Variants in THG1L observed in about 807,000 individuals in gnomAD.
The protein encoded by THG1L is probable tRNA(His) guanylyltransferase.
A neutral mutation model predicts 35.2 loss-of-function variants in THG1L; 27 were observed. The ratio of observed to expected loss-of-function variants is 0.77; its 90% CI spans 0.57 to 1.06. The LOEUF (loss-of-function observed/expected upper bound fraction) is 1.06, where lower values mean the gene tolerates loss of function less well. THG1L is among the 50% of genes least tolerant of loss of function. The probability of loss-of-function intolerance (pLI) is 0.00; values close to 1 mark genes in which losing one functional copy is unlikely to be tolerated. For synonymous variants in THG1L, 135 were observed against 132.4 expected (o/e 1.02, Z -0.14); for missense variants, 377 against 371.8 (o/e 1.01, Z -0.12).
chr5:157,731,717 C>T (rs959920126), intron 1 of THG1L, 86 bp downstream of exon 1: 11 of 1,485,168 alleles, frequency 7.4e-6, no homozygotes, highest in South Asian at 1.3e-5. Flanking sequence ...CCCGCCCGCT[C>T]CAGTCACGGT....
intron 2 of THG1L, among the ~76,000 whole-genome samples, chr5:157,734,137 C>T (rs1183208708): frequency 6.6e-6 from 1 of 152,106 alleles, no homozygotes; most frequent in Non-Finnish European, 1.5e-5. Flanking sequence ...CCTGTAATCC[C>T]AGCACTTTGG....
intron 2 of THG1L, 149 bp from the exon 3 acceptor site, chr5:157,734,427 A>T: frequency 2.3e-6 from 2 of 876,392 alleles, no homozygotes; most frequent in South Asian, 1.7e-5. Flanking sequence ...GTATTAAAAT[A>T]GTGTTTCTTA....
At chr5:157,738,597 T>G (rs1187395606) in intron 5 of THG1L, 1 of 426,212 alleles carries the variant, frequency 2.3e-6, no homozygotes, top group East Asian at 7.1e-5. Context: ...TTGTTTTTTT[T>G]TTTTCTGAAA....
Position 157,731,568 on chromosome 5 carries a change from C to T in THG1L, c.128C>T (p.Ala43Val). Residue 43 changes from alanine (A) to valine (V), a missense_variant, in exon 1 of 6, where the codon GCT (alanine) becomes GTT (valine). Physicochemically the swap from Ala to Val is moderately conservative, Grantham distance 64. Coordinates refer to ENST00000231198, the MANE Select transcript of THG1L (RefSeq NM_017872.5). ...TTCGAGTACGTGAGGGACTTCGAGG[C>T]TGACGACACCTGCCTGGCACACTGC... ...SKFEYVRDFEADDTCLAHCWV... is the reference protein window; with the variant it reads ...SKFEYVRDFEVDDTCLAHCWV... 9 of 1,611,836 alleles carry T rather than the reference C, an allele frequency of 5.6e-6. No individual in the cohort carries two copies. The highest frequency in any genetic ancestry group is 7.6e-6 in the Non-Finnish European group (9 of 1,178,926).
At chr5:157,733,561 C>T (rs1027689434) in intron 2 of THG1L, among the ~76,000 whole-genome samples, 2 of 151,932 alleles carry the variant, frequency 1.3e-5, no homozygotes, top group African/African-American at 4.8e-5. Context: ...AAACTCCTGG[C>T]CTCAAGCAGT....
chr5:157,739,219 G>A lies in THG1L; in HGVS notation c.736-102G>A, dbSNP rs187687817. 78 of 1,099,212 alleles carry A rather than the reference G, an allele frequency of 7.1e-5. No homozygotes were observed. In the East Asian group the frequency reaches 9.6e-4, roughly 13 times the overall value. 68.1% of individuals were successfully genotyped at this position (1,099,212 alleles called of 1,614,324 possible). On this transcript the variant is annotated intron_variant, in intron 5 of 5. Coordinates refer to ENST00000231198, the MANE Select transcript of THG1L (RefSeq NM_017872.5). ...TATATATATCTCAAATCTGGCAGTCGGAAGTATATGAAGATAAAAAGTGAG... is the reference window on the plus strand; with the variant it reads ...TATATATATCTCAAATCTGGCAGTCAGAAGTATATGAAGATAAAAAGTGAG...
intron 4 of THG1L, among the ~76,000 whole-genome samples, chr5:157,736,665 C>T (rs1581441571): frequency 1.3e-5 from 2 of 152,160 alleles, no homozygotes; most frequent in East Asian, 3.9e-4. Flanking sequence ...AGGAAGAGTT[C>T]GTGCTGAGTT....
chr5:157,734,557 T>C lies in THG1L; in HGVS notation c.369-19T>C, dbSNP rs1422048127. On this transcript the variant is annotated intron_variant, in intron 2 of 5. Transcript: ENST00000231198. Reference sequence around the variant, plus strand: ...TTTTTCTTTTTCTTACTCCACCCAATGTGCGTTACATTTTCAAGTAAGTTC... The same window carrying C: ...TTTTTCTTTTTCTTACTCCACCCAACGTGCGTTACATTTTCAAGTAAGTTC... 1.9e-6 allele frequency: 3 copies of C among 1,613,036 alleles called. No homozygotes were observed. The Admixed American group carries it at 5.0e-5, about 27-fold the overall frequency.
intron 5 of THG1L, chr5:157,738,630 A>T (rs762909537): frequency 4.6e-6 from 2 of 432,100 alleles, no homozygotes; most frequent in South Asian, 3.4e-5. Context: ...AGTACCAAGG[A>T]GTACCTTGAG....
Position 157,731,586 on chromosome 5 carries a change from C to T in THG1L, c.146C>T (p.Ala49Val), listed in dbSNP as rs776041729. 6 of 1,610,864 alleles carry T rather than the reference C, an allele frequency of 3.7e-6. No homozygotes were observed. The highest frequency in any genetic ancestry group is 5.1e-6 in the Non-Finnish European group (6 of 1,178,436). ...RDFEADDTCLAHCWVVVRLDG... is the reference protein window; with the variant it reads ...RDFEADDTCLVHCWVVVRLDG... ...TTCGAGGCTGACGACACCTGCCTGG[C>T]ACACTGCTGGGTGGTAGTGCGGCTG... Residue 49 changes from alanine to valine, a missense_variant, in exon 1 of 6, where the codon GCA (alanine) becomes GTA (valine). Physicochemically the swap from Ala to Val is moderately conservative, Grantham distance 64. Transcript: ENST00000231198.
intron 1 of THG1L, among the ~76,000 whole-genome samples, chr5:157,732,402 T>C (rs910625760): frequency 4.0e-5 from 6 of 151,888 alleles, no homozygotes; most frequent in Non-Finnish European, 5.9e-5. Flanking sequence ...TGAGCGGTGA[T>C]TGGACACTGC....
chr5:157,731,648 C>G lies in THG1L; in HGVS notation c.191+17C>G. 2 of 1,577,960 alleles carry G rather than the reference C, an allele frequency of 1.3e-6. No homozygotes were observed. The highest frequency in any genetic ancestry group is 1.7e-6 in the Non-Finnish European group (2 of 1,159,344). ...TTTCCATCGGTGAGCGAGCTCGACT[C>G]GGGGCGTCGCGATGCGCCAGCGCTT... On this transcript the variant is annotated intron_variant, in intron 1 of 5. Transcript: ENST00000231198.
intron 4 of THG1L, among the ~76,000 whole-genome samples, chr5:157,737,351 C>T (rs564940802): frequency 6.6e-6 from 1 of 152,168 alleles, no homozygotes; most frequent in African/African-American, 2.4e-5. Flanking sequence ...GGTGTGCTGG[C>T]ACACACCTGT....
chr5:157,738,612 T>C (rs1395722375), intron 5 of THG1L: 10 of 424,482 alleles, frequency 2.4e-5, no homozygotes, highest in African/African-American at 4.2e-5. Context: ...CTGAAATGAA[T>C]GTTTTCAAGT....
intron 1 of THG1L, among the ~76,000 whole-genome samples, chr5:157,732,272 GAGAA>G (rs1437456649): frequency 1.5e-5 from 2 of 133,556 alleles, no homozygotes; most frequent in African/African-American, 2.8e-5. Flanking sequence ...AGAAGGAAGA[GAGAA>G]AGAAAGAAAA....
chr5:157,732,566 AGG>A (rs757550167), intron 1 of THG1L, among the ~76,000 whole-genome samples: 3 of 152,224 alleles, frequency 2.0e-5, no homozygotes, highest in Non-Finnish European at 4.4e-5. Flanking sequence ...ACTAGGAGCT[AGG>A]TATGATTACT....
chr5:157,739,156 CATACAT>C (rs1760964132), intron 5 of THG1L, among the ~76,000 whole-genome samples, 159 bp from the exon 6 acceptor site: 1 of 151,998 alleles, frequency 6.6e-6, no homozygotes, highest in South Asian at 2.1e-4. Context: ...TATATACACA[CATACAT>C]ATATGCGCAT....
intron 3 of THG1L, 125 bp from the exon 4 acceptor site, chr5:157,735,721 C>T (rs1032063227): frequency 4.6e-6 from 3 of 653,298 alleles, no homozygotes; most frequent in Non-Finnish European, 7.6e-6. Context: ...GGTCAAGTCA[C>T]TGAATGTCTC....
Position 157,731,480 on chromosome 5 carries a change from G to T in THG1L, c.40G>T (p.Ala14Ser). The stretch of plus-strand genomic sequence containing the variant: ...TAAAGTTAAGGTTCACGATTCCTTG[G>T]CCACCATTTCCATCACTCTGAGACG... The part of the protein sequence containing the change: ...ACKVKVHDSL[A>S]TISITLRRYL... Residue 14 changes from alanine to serine, a missense_variant, in exon 1 of 6, where the codon GCC (alanine) becomes TCC (serine). By Grantham distance (99) the Ala-to-Ser change is moderately conservative. Transcript: ENST00000231198. The T allele has an allele frequency of 1.2e-6, 2 of 1,609,950 alleles. No individual in the cohort carries two copies. The highest frequency in any genetic ancestry group is 1.7e-6 in the Non-Finnish European group (2 of 1,177,870).
Sources: gnomAD v4.1 joint callset for allele counts (sites outside exome capture counted in the v4.1 genomes callset) on GRCh38, gnomAD v4.1.1 for gene constraint, MANE v1.5 for transcripts, NCBI Gene and HGNC (gene_info 2026-07-23, HGNC 2026-07-21) for gene names.